CATSPERD: variants seen among roughly 807,000 people sequenced by gnomAD.
CATSPERD encodes cation channel sperm-associated auxiliary subunit delta.
Under a neutral mutation model 98.1 loss-of-function variants are expected in CATSPERD, and 86 were observed. That is an observed-to-expected ratio of 0.88 (90% CI 0.74 to 1.05). The LOEUF (loss-of-function observed/expected upper bound fraction) is 1.05, where lower values mean the gene tolerates loss of function less well. Ranked by LOEUF, CATSPERD falls within the 50% of genes least tolerant of loss-of-function variation. The pLI is 0.00. For synonymous variants in CATSPERD, 394 were observed against 390.2 expected, an observed-to-expected ratio of 1.01 and a Z score of -0.12; for missense variants, 995 against 1,005.7, an observed-to-expected ratio of 0.99 and a Z score of 0.14.
intron 13 of CATSPERD, 118 bp from the exon 14 acceptor site, chr19:5,757,725 G>A: frequency 3.0e-6 from 2 of 657,350 alleles, no homozygotes; most frequent in Non-Finnish European, 2.5e-6. Context: ...ACAGATATGA[G>A]CCACTACACC....
At chr19:5,741,913 A>C (rs1418179118) in intron 7 of CATSPERD, among the ~76,000 whole-genome samples, 1 of 150,978 alleles carries the variant, frequency 6.6e-6, no homozygotes, top group East Asian at 1.9e-4. Context: ...CGTGCCTGTA[A>C]TCCCAGCTAC....
chr19:5,767,747 G>A (rs904644057), intron 17 of CATSPERD, among the ~76,000 whole-genome samples: 4 of 148,572 alleles, frequency 2.7e-5, no homozygotes, highest in East Asian at 2.0e-4. Flanking sequence ...ATGAGCCACC[G>A]CGCCTGGCCT....
chr19:5,767,358 G>T (rs1219097155), intron 17 of CATSPERD, among the ~76,000 whole-genome samples: 1 of 146,884 alleles, frequency 6.8e-6, no homozygotes, highest in East Asian at 2.0e-4. Flanking sequence ...CACCTCTAAC[G>T]GCAAAGTGCA....
At chr19:5,775,673 AAAAG>A (rs909188820) in intron 20 of CATSPERD, among the ~76,000 whole-genome samples, 39 of 150,390 alleles carry the variant, frequency 2.6e-4, no homozygotes, top group East Asian at 9.8e-4. Flanking sequence ...AAAAAGAAAG[AAAAG>A]AAAGAAAGAA....
At chr19:5,752,111 C>G (rs1244981162) in intron 12 of CATSPERD, among the ~76,000 whole-genome samples, 1 of 152,074 alleles carries the variant, frequency 6.6e-6, no homozygotes, top group African/African-American at 2.4e-5. Context: ...GAGTTCCAGA[C>G]CAGCCTGGCC....
At position 5,742,209 on chromosome 19, in the gene CATSPERD, CAT is replaced by C. The variant is rs1568350715; in HGVS notation, c.574-2217_574-2216del. Among the ~76,000 whole-genome samples the C allele has an allele frequency of 6.3e-5, 3 of 47,760 alleles. No individual in the cohort carries two copies. The East Asian group carries it at 8.1e-4, about 13-fold the overall frequency. The allele number at this position is 47,760 out of a possible 152,430, so 31.3% of individuals were successfully genotyped here. On this transcript the variant is annotated intron_variant, in intron 7 of 21. Transcript: ENST00000381624. ...GAACGTGTGTGCGTGTACATGTGTG[CAT>C]GTGTGTACATGTGTGTGCGTGTGTG...
rs1341220787 is a variant in CATSPERD, at chr19:5,776,187, C to A, written c.1968C>A (p.Asn656Lys). Residue 656 changes from asparagine (N) to lysine (K), a missense_variant, in exon 21 of 22, where the codon AAC (asparagine) becomes AAA (lysine). Transcript: ENST00000381624. The part of the protein sequence containing the change: ...RENYVSCHDP[N>K]NNAPLRWPDV... ...ACTATGTGAGCTGCCACGACCCCAA[C>A]AACAATGCCCCTTTGAGGTGGCCAG... 6.2e-7 allele frequency: 1 copy of A among 1,614,238 alleles called. No individual in the cohort carries two copies. The highest frequency in any genetic ancestry group is 1.7e-5 in the Admixed American group (1 of 60,020).
rs796834988 is a variant in CATSPERD at position 5,741,786 on chromosome 19, G to C, written c.573+2347G>C. On this transcript the variant is annotated intron_variant, in intron 7 of 21. Coordinates refer to ENST00000381624, the MANE Select transcript of CATSPERD (RefSeq NM_152784.4). The stretch of plus-strand genomic sequence containing the variant: ...CCCAGCACTTTGGGATGCTGAAGGC[G>C]GGGGGGGGGGGGTGGTGTGGATCAC... Among the ~76,000 whole-genome samples the C allele has an allele frequency of 8.0e-4, 37 of 46,522 alleles. 1 individual carries two copies. Among genetic ancestry groups the C allele is most frequent in the Admixed American group, 1.3e-3 (7 of 5,284 alleles). The allele number at this position is 46,522 out of a possible 152,430, so 30.5% of individuals were successfully genotyped here. A position where few individuals can be genotyped will look rare whatever the true frequency, so the allele number is the denominator to read the frequency against.
intron 4 of CATSPERD, among the ~76,000 whole-genome samples, chr19:5,731,560 GT>G (rs67541709): frequency 9.1e-3 from 690 of 75,618 alleles, no homozygotes; most frequent in Non-Finnish European, 0.012. Context: ...ACACTTAACA[GT>G]TTTTTTTTTT....
At chr19:5,762,059 T>TATATATATA (rs1491269022) in intron 15 of CATSPERD, among the ~76,000 whole-genome samples, 3 of 18,622 alleles carry the variant, frequency 1.6e-4, no homozygotes, top group Non-Finnish European at 2.2e-4. Context: ...TATATATATA[T>TATATATATA]TTTTTTTTTT....
intron 1 of CATSPERD, among the ~76,000 whole-genome samples, chr19:5,721,310 C>T (rs2055468728): frequency 6.6e-6 from 1 of 152,036 alleles, no homozygotes; most frequent in Non-Finnish European, 1.5e-5. Context: ...CCTAGCCCTC[C>T]CACTTCTTTT....
chr19:5,727,123 A>G, intron 2 of CATSPERD, 145 bp from the exon 3 acceptor site: 1 of 556,476 alleles, frequency 1.8e-6, no homozygotes, highest in Non-Finnish European at 3.2e-6. Flanking sequence ...TGAACCTGGG[A>G]GGCGGAGCTT....
At chr19:5,773,330 T>G (rs2056685483) in intron 20 of CATSPERD, among the ~76,000 whole-genome samples, 1 of 152,146 alleles carries the variant, frequency 6.6e-6, no homozygotes, top group African/African-American at 2.4e-5. Context: ...TTAGGGGATC[T>G]AGCAGGAACC....
chr19:5,722,911 G>A (rs1396391159), intron 1 of CATSPERD, among the ~76,000 whole-genome samples: 2 of 151,990 alleles, frequency 1.3e-5, no homozygotes, highest in Non-Finnish European at 2.9e-5. Flanking sequence ...ATTCTTGGCC[G>A]GGCGCGGGGG....
intron 14 of CATSPERD, among the ~76,000 whole-genome samples, chr19:5,758,766 A>G (rs1309269703): frequency 2.7e-5 from 4 of 150,942 alleles, no homozygotes. Flanking sequence ...AAGAAAAAAA[A>G]GGCAAACATT....
At chr19:5,745,874 G>C in intron 8 of CATSPERD, 39 bp from the exon 9 acceptor site, 2 of 1,608,644 alleles carry the variant, frequency 1.2e-6, no homozygotes, top group Non-Finnish European at 1.7e-6. Flanking sequence ...CTCCACAGTA[G>C]GGTTTGGGGA....
At position 5,754,209 on chromosome 19, in the gene CATSPERD, G is replaced by A. The variant is rs553271657; in HGVS notation, c.1242G>A (p.Ser414=). 72 of 1,613,706 alleles carry A rather than the reference G, an allele frequency of 4.5e-5. No individual in the cohort carries two copies. In the East Asian group the frequency reaches 5.1e-4, roughly 11 times the overall value. ...DMHSQLELTA[S]LIPQPGTSLI... The stretch of plus-strand genomic sequence containing the variant: ...ACAGCCAGCTGGAATTGACTGCTTC[G>A]TTGATACCCCAGCCAGGCACATCCC... The change falls in exon 13 of 22, where the codon TCG becomes TCA. Residue 414 remains serine (S), a synonymous_variant. Transcript: ENST00000381624.
At chr19:5,750,520 A>C (rs1220270769) in intron 11 of CATSPERD, among the ~76,000 whole-genome samples, 3 of 149,496 alleles carry the variant, frequency 2.0e-5, no homozygotes, top group African/African-American at 7.4e-5. Context: ...CAATCCCAGC[A>C]CTTTGGTTCC....
chr19:5,745,569 C>T (rs555336467), intron 8 of CATSPERD, among the ~76,000 whole-genome samples: 6 of 152,018 alleles, frequency 3.9e-5, no homozygotes, highest in Admixed American at 1.3e-4. Flanking sequence ...GGCAGTGAGC[C>T]GAGATCGTGC....
Sources: allele counts gnomAD v4.1 joint callset (sites outside exome capture counted in the v4.1 genomes callset), GRCh38; gene constraint gnomAD v4.1.1; transcripts MANE v1.5; gene names NCBI Gene and HGNC (gene_info 2026-07-23, HGNC 2026-07-21).